Variants in CDK12 observed in about 807,000 individuals in gnomAD.
The protein encoded by CDK12 is cyclin dependent kinase 12.
Under a neutral mutation model 133.8 loss-of-function variants are expected in CDK12, and 17 were observed. That is an observed-to-expected ratio of 0.13 (90% CI 0.09 to 0.19). The LOEUF is 0.19. CDK12 is among the 10% of genes least tolerant of loss of function. The pLI is 1.00. For synonymous variants in CDK12, 694 were observed against 683.6 expected (o/e 1.02, Z -0.24); for missense variants, 1,508 against 1,818.7 (o/e 0.83, Z 3.11).
intron 9 of CDK12, among the ~76,000 whole-genome samples, chr17:39,516,502 G>A (rs747622851): frequency 6.6e-6 from 1 of 151,320 alleles, no homozygotes; most frequent in Admixed American, 6.6e-5. Context: ...GACTACACCT[G>A]TAGTCCCAGC....
At chr17:39,562,228 G>A (rs546464165) in intron 3 of CDK12, among the ~76,000 whole-genome samples, 13 of 152,244 alleles carry the variant, frequency 8.5e-5, no homozygotes, top group African/African-American at 2.9e-4. Flanking sequence ...GTGAGCCACC[G>A]TGCCCAGCTG....
upstream of CDK12, chr17:39,549,623 C>T (rs938258353): frequency 2.6e-5 from 4 of 152,222 alleles, no homozygotes; most frequent in African/African-American, 7.2e-5. Context: ...GCCTGCTCCT[C>T]GTTATAGTCT....
chr17:39,470,355 T>A (rs2049700273), intron 1 of CDK12, among the ~76,000 whole-genome samples: 1 of 151,758 alleles, frequency 6.6e-6, no homozygotes, highest in African/African-American at 2.4e-5. Flanking sequence ...TCTGCTGACC[T>A]GGTGATCTGC....
intron 6 of CDK12, among the ~76,000 whole-genome samples, chr17:39,505,184 G>C (rs1451418625): frequency 7.0e-6 from 1 of 142,096 alleles, no homozygotes; most frequent in Admixed American, 7.4e-5. Context: ...AGCTGAGATC[G>C]CGCCACTGCA....
exon 1 of CDK12, chr17:39,550,204 G>A (rs966884981): frequency 6.6e-5 from 10 of 152,116 alleles, no homozygotes; most frequent in Non-Finnish European, 1.3e-4. Flanking sequence ...ATCTGAATAG[G>A]GACAGGGGAG....
At chr17:39,516,916 G>A (rs1328748755) in intron 9 of CDK12, among the ~76,000 whole-genome samples, 13 of 150,644 alleles carry the variant, frequency 8.6e-5, no homozygotes, top group Admixed American at 8.6e-4. Flanking sequence ...GCCCACCTCG[G>A]CCTCCCAAAG....
upstream of CDK12, among the ~76,000 whole-genome samples, chr17:39,545,389 A>G (rs1252062407): frequency 6.6e-6 from 1 of 150,526 alleles, no homozygotes; most frequent in Non-Finnish European, 1.5e-5. Flanking sequence ...GGGTTCCACC[A>G]TGTTGCCCAG....
At chr17:39,562,902 C>CTTTTTTTTTTTTTTTTTTTTT (rs59852699) in intron 3 of CDK12, among the ~76,000 whole-genome samples, 5 of 92,380 alleles carry the variant, frequency 5.4e-5, no homozygotes, top group African/African-American at 1.1e-4. Context: ...TTTTTCTTTT[C>CTTTTTTTTTTTTTTTTTTTTT]TTTTTTTTTT....
Position 39,462,217 on chromosome 17 carries a change from A to T in CDK12, c.146A>T (p.His49Leu), listed in dbSNP as rs775003325. 5 of 1,613,896 alleles carry T rather than the reference A, an allele frequency of 3.1e-6. No individual in the cohort carries two copies. The Admixed American group carries it at 8.3e-5, about 27-fold the overall frequency. ...VSKHKRHKSK[H>L]SKDMGLVTPE... ...AAGCACAAGCGGCATAAGTCCAAAC[A>T]CTCCAAAGACATGGGGTTGGTGACC... The change falls in exon 1 of 14, where the codon CAC (histidine) becomes CTC (leucine). Residue 49 changes from histidine to leucine, a missense_variant. By Grantham distance (99) the His-to-Leu change is moderately conservative (BLOSUM62 -3). Coordinates refer to ENST00000447079, the MANE Select transcript of CDK12 (RefSeq NM_016507.4).
In CDK12 at chr17:39,533,262, T is replaced by G. The variant is rs1009679506; in HGVS notation, c.*1946T>G. The G allele has an allele frequency of 3.0e-5, 7 of 232,992 alleles. No homozygotes were observed. The highest frequency in any genetic ancestry group is 5.1e-5 in the Non-Finnish European group (6 of 117,870). The allele number at this position is 232,992 out of a possible 1,614,324, so 14.4% of individuals were successfully genotyped here. On this transcript the variant is annotated 3_prime_UTR_variant, in exon 14 of 14. Coordinates refer to ENST00000447079, the MANE Select transcript of CDK12 (RefSeq NM_016507.4). Reference sequence around the variant, plus strand: ...TTAGAAAGAGAGCCTTCTAGCTATTTTGGCATTGATGGCTTTTTATACCAG... The same window carrying G: ...TTAGAAAGAGAGCCTTCTAGCTATTGTGGCATTGATGGCTTTTTATACCAG...
chr17:39,511,214 CAAAAAAAAA>C (rs59984042), intron 7 of CDK12, among the ~76,000 whole-genome samples: 1 of 74,854 alleles, frequency 1.3e-5, no homozygotes, highest in Non-Finnish European at 2.6e-5. Context: ...GACACCGTCT[CAAAAAAAAA>C]AAAAAAAAAA....
At position 39,531,433 on chromosome 17, in the gene CDK12, C is replaced by G. The variant is rs977987216; in HGVS notation, c.*117C>G. ...GGTAATCATCTGCATTTGGCTACTG[C>G]AAAGCTGTCCGTTGTATTCCTTGCT... On this transcript the variant is annotated 3_prime_UTR_variant, in exon 14 of 14. Coordinates refer to ENST00000447079, the MANE Select transcript of CDK12 (RefSeq NM_016507.4). 5 of 1,022,768 alleles carry G rather than the reference C, an allele frequency of 4.9e-6. No homozygotes were observed. In the Middle Eastern group the frequency reaches 8.5e-4, roughly 175 times the overall value. 63.4% of individuals were successfully genotyped at this position (1,022,768 alleles called of 1,614,324 possible). A position where few individuals can be genotyped will look rare whatever the true frequency, so the allele number is the denominator to read the frequency against.
intron 1 of CDK12, among the ~76,000 whole-genome samples, chr17:39,464,030 C>A (rs1428516833): frequency 6.6e-6 from 1 of 152,010 alleles, no homozygotes; most frequent in African/African-American, 2.4e-5. Context: ...GAGTTAATTT[C>A]TCCTTGCCTG....
chr17:39,562,498 G>C (rs1271720589), intron 3 of CDK12, among the ~76,000 whole-genome samples: 1 of 152,028 alleles, frequency 6.6e-6, no homozygotes, highest in Non-Finnish European at 1.5e-5. Context: ...TTCCTTGGCT[G>C]CTTCTCTATT....
intron 3 of CDK12, among the ~76,000 whole-genome samples, chr17:39,561,825 G>A (rs2144604964): frequency 6.6e-6 from 1 of 152,200 alleles, no homozygotes; most frequent in Non-Finnish European, 1.5e-5. Flanking sequence ...CATCTTCTTG[G>A]GCCCATCAGG....
rs1043178459 is a variant in CDK12 at position 39,501,151 on chromosome 17, A to G, written c.2420-99A>G. 7.9e-6 allele frequency: 6 copies of G among 757,164 alleles called. No individual in the cohort carries two copies. The Admixed American group carries it at 1.6e-4, about 20-fold the overall frequency. The allele number at this position is 757,164 out of a possible 1,614,324, so 46.9% of individuals were successfully genotyped here. A position where few individuals can be genotyped will look rare whatever the true frequency, so the allele number is the denominator to read the frequency against. On this transcript the variant is annotated intron_variant, in intron 5 of 13. Transcript: ENST00000447079. ...AAAATTCAAGGGTTTTTTCTAGAGA[A>G]CCTGTGGTCAACTCCAAAATTATAT... is the stretch of plus-strand genomic sequence containing the variant.
chr17:39,558,060 C>G (rs573818942), intron 3 of CDK12, among the ~76,000 whole-genome samples: 6 of 152,318 alleles, frequency 3.9e-5, no homozygotes, highest in African/African-American at 1.4e-4. Flanking sequence ...AGTACTACTA[C>G]TTTTATGAAG....
At chr17:39,557,796 T>A (rs982355189) in intron 3 of CDK12, among the ~76,000 whole-genome samples, 1 of 152,176 alleles carries the variant, frequency 6.6e-6, no homozygotes, top group African/African-American at 2.4e-5. Flanking sequence ...CTAAATGTCA[T>A]GTAGTATGTG....
Position 39,501,156 on chromosome 17 carries a change from T to C in CDK12, c.2420-94T>C, listed in dbSNP as rs1359957926. 4 of 823,850 alleles carry C rather than the reference T, an allele frequency of 4.9e-6. No individual in the cohort carries two copies. The East Asian group carries it at 1.1e-4, about 23-fold the overall frequency. 51.0% of individuals were successfully genotyped at this position (823,850 alleles called of 1,614,324 possible). ...TCAAGGGTTTTTTCTAGAGAACCTG[T>C]GGTCAACTCCAAAATTATATTAGGA... On this transcript the variant is annotated intron_variant, in intron 5 of 13. Transcript: ENST00000447079.
Sources: allele counts gnomAD v4.1 joint callset (sites outside exome capture counted in the v4.1 genomes callset), GRCh38; gene constraint gnomAD v4.1.1; transcripts MANE v1.5; gene names NCBI Gene and HGNC (gene_info 2026-07-23, HGNC 2026-07-21).